PEBP4: variants seen among roughly 807,000 people sequenced by gnomAD.
PEBP4 encodes phosphatidylethanolamine binding protein 4.
Under a neutral mutation model 23.9 loss-of-function variants are expected in PEBP4, and 22 were observed. The ratio of observed to expected loss-of-function variants is 0.92; its 90% confidence interval spans 0.66 to 1.31. The LOEUF is 1.31. Ranked by LOEUF, PEBP4 falls within the 40% of genes most tolerant of loss-of-function variation. PEBP4 has a pLI of 0.00. For missense variants in PEBP4, 324 were observed against 281.7 expected, an observed-to-expected ratio of 1.15 and a Z score of -1.07; for synonymous variants, 112 against 99.3, an observed-to-expected ratio of 1.13 and a Z score of -0.76.
At chr8:22,903,089 G>A (rs894778951) in intron 3 of PEBP4, among the ~76,000 whole-genome samples, 1 of 152,136 alleles carries the variant, frequency 6.6e-6, no homozygotes, top group Non-Finnish European at 1.5e-5. Context: ...ATTCCATCTC[G>A]CTCTGATAGC....
At chr8:22,740,424 C>T (rs889737334) in intron 4 of PEBP4, among the ~76,000 whole-genome samples, 1 of 152,230 alleles carries the variant, frequency 6.6e-6, no homozygotes, top group Non-Finnish European at 1.5e-5. Flanking sequence ...TGCAGAATCT[C>T]TCTCAGGCTC....
At chr8:22,834,004 C>A (rs1047109992) in intron 3 of PEBP4, among the ~76,000 whole-genome samples, 1 of 152,198 alleles carries the variant, frequency 6.6e-6, no homozygotes, top group African/African-American at 2.4e-5. Flanking sequence ...GAGCTCAGTT[C>A]GGTTCATTAG....
At chr8:22,752,224 G>A (rs1805284753) in intron 4 of PEBP4, among the ~76,000 whole-genome samples, 1 of 152,174 alleles carries the variant, frequency 6.6e-6, no homozygotes, top group Non-Finnish European at 1.5e-5. Context: ...CTCCCTGTCT[G>A]TTACATTAGG....
rs1180620287 is a variant in PEBP4, at chr8:22,865,546, C to CCGGTG, written c.259-47816_259-47812dup. Among the ~76,000 whole-genome samples, 1 of 152,180 alleles carries CCGGTG rather than the reference C, an allele frequency of 6.6e-6. No homozygotes were observed. Among genetic ancestry groups the CCGGTG allele is most frequent in the Non-Finnish European group, 1.5e-5 (1 of 68,022 alleles). ...AGCTAAAAAAGGCAAGGCGCTGCTG[C>CCGGTG]CGGTGCCGGTGCCGCAGCCGCCGGG... On this transcript the variant is annotated intron_variant, in intron 3 of 6. Transcript: ENST00000256404. The surrounding 1 kb of genome is among the most constrained non-coding windows in gnomAD (Gnocchi z 6.9).
chr8:22,870,004 T>A (rs1807976939), intron 3 of PEBP4, among the ~76,000 whole-genome samples: 1 of 152,158 alleles, frequency 6.6e-6, no homozygotes, highest in African/African-American at 2.4e-5. Context: ...TGGCAGTTTC[T>A]CACAAAACTA....
intron 3 of PEBP4, among the ~76,000 whole-genome samples, chr8:22,819,398 C>T (rs541275256): frequency 9.9e-5 from 15 of 152,140 alleles, no homozygotes; most frequent in African/African-American, 2.4e-4. Flanking sequence ...ACTGTTATCA[C>T]GATAAGACCA....
intron 3 of PEBP4, among the ~76,000 whole-genome samples, chr8:22,914,682 G>T (rs1809032993): frequency 6.6e-6 from 1 of 151,896 alleles, no homozygotes; most frequent in South Asian, 2.1e-4. Context: ...GAACACTGAG[G>T]ATGCAGACCC....
chr8:22,734,975 C>T (rs1213658776), intron 4 of PEBP4, among the ~76,000 whole-genome samples: 1 of 152,184 alleles, frequency 6.6e-6, no homozygotes, highest in Non-Finnish European at 1.5e-5. Context: ...AAAGTACAGG[C>T]TGTCCAGGCC....
chr8:22,900,228 G>A (rs2128776620), intron 3 of PEBP4, among the ~76,000 whole-genome samples: 1 of 152,336 alleles, frequency 6.6e-6, no homozygotes, highest in Non-Finnish European at 1.5e-5. Context: ...AGTTAAGAAT[G>A]GGGAAGGGTT....
chr8:22,880,179 C>T (rs7005498), intron 3 of PEBP4, among the ~76,000 whole-genome samples: 5,044 of 152,218 alleles, frequency 0.033, 277 homozygotes, highest in African/African-American at 0.11. Context: ...TGACAAAGCA[C>T]AGGCACTCGA....
intron 3 of PEBP4, among the ~76,000 whole-genome samples, chr8:22,883,454 C>T (rs1808305568): frequency 6.6e-6 from 1 of 152,024 alleles, no homozygotes; most frequent in African/African-American, 2.4e-5. Flanking sequence ...GGGGCTCTGG[C>T]CAGATCTCAA....
At chr8:22,799,733 GT>G (rs1806341220) in intron 4 of PEBP4, among the ~76,000 whole-genome samples, 2 of 152,140 alleles carry the variant, frequency 1.3e-5, no homozygotes, top group African/African-American at 4.8e-5. Context: ...GCCCTGGTGT[GT>G]GACGTTCCCC....
chr8:22,785,851 C>T (rs1806016908), intron 4 of PEBP4, among the ~76,000 whole-genome samples: 1 of 152,180 alleles, frequency 6.6e-6, no homozygotes. Flanking sequence ...CTTTGCTGCT[C>T]TTCCTCCTGG....
intron 6 of PEBP4, among the ~76,000 whole-genome samples, chr8:22,713,955 T>C (rs1804362120): frequency 6.6e-6 from 1 of 152,236 alleles, no homozygotes; most frequent in South Asian, 2.1e-4. Context: ...CTTCACCCAC[T>C]ACTTTCCTTC....
chr8:22,818,297 C>T (rs1371035599), intron 3 of PEBP4, among the ~76,000 whole-genome samples: 1 of 152,024 alleles, frequency 6.6e-6, no homozygotes, highest in South Asian at 2.1e-4. Flanking sequence ...AGCTTTTGTT[C>T]TAGGTAAAAG....
chr8:22,906,638 AC>A (rs1479988687), intron 3 of PEBP4, among the ~76,000 whole-genome samples: 1 of 152,236 alleles, frequency 6.6e-6, no homozygotes, highest in African/African-American at 2.4e-5. Context: ...CATCACCATC[AC>A]CACCATCATC....
At chr8:22,781,634 A>T (rs748139009) in intron 4 of PEBP4, among the ~76,000 whole-genome samples, 1 of 151,940 alleles carries the variant, frequency 6.6e-6, no homozygotes, top group Non-Finnish European at 1.5e-5. Context: ...CCTCCCACAC[A>T]GCCACTCCTG....
chr8:22,849,095 C>A (rs1397944836), intron 3 of PEBP4, among the ~76,000 whole-genome samples: 1 of 152,190 alleles, frequency 6.6e-6, no homozygotes, highest in Non-Finnish European at 1.5e-5. Context: ...GTGCTTGAGA[C>A]CCTAAAGACT....
At chr8:22,864,289 A>C (rs893257092) in intron 3 of PEBP4, among the ~76,000 whole-genome samples, 1 of 152,132 alleles carries the variant, frequency 6.6e-6, no homozygotes, top group African/African-American at 2.4e-5. Flanking sequence ...CTGGAGTGAG[A>C]GTTCTGTGCC....
Sources: allele counts gnomAD v4.1 joint callset (sites outside exome capture counted in the v4.1 genomes callset), GRCh38; gene constraint gnomAD v4.1.1; non-coding constraint Gnocchi (gnomAD v3.1); transcripts MANE v1.5; gene names NCBI Gene and HGNC (gene_info 2026-07-23, HGNC 2026-07-21).